CACNA1D: variants seen among roughly 807,000 people sequenced by gnomAD.
CACNA1D encodes the protein voltage-dependent L-type calcium channel subunit alpha-1D.
A neutral mutation model predicts 257.1 loss-of-function variants in CACNA1D; 55 were observed. That is an observed-to-expected ratio of 0.21 (90% CI 0.17 to 0.27). CACNA1D has a LOEUF of 0.27. CACNA1D is among the 10% of genes least tolerant of loss of function. The pLI is 1.00. For synonymous variants in CACNA1D, 980 were observed against 1,014.9 expected (o/e 0.97, Z 0.65); for missense variants, 1,876 against 2,784.0 (o/e 0.67, Z 7.34).
rs555665772 is a variant in CACNA1D, at chr3:53,571,013, G to A, written c.483+69293G>A. On this transcript the variant is annotated intron_variant, in intron 3 of 47. Coordinates refer to ENST00000350061, the MANE Select transcript of CACNA1D (RefSeq NM_001128840.3). The stretch of plus-strand genomic sequence containing the variant: ...GGGAACTAGGGCAAGTCTGCTGGCT[G>A]CCTCAGTCCTTCCCTGTGAATGCAG... Among the ~76,000 whole-genome samples, 47 of 152,306 alleles carry A rather than the reference G, an allele frequency of 3.1e-4. No individual in the cohort carries two copies. In the South Asian group the frequency reaches 9.5e-3, roughly 31 times the overall value.
At chr3:53,641,634 T>C (rs1463466509) in intron 3 of CACNA1D, among the ~76,000 whole-genome samples, 1 of 152,026 alleles carries the variant, frequency 6.6e-6, no homozygotes, top group Non-Finnish European at 1.5e-5. Context: ...CCAAGGGAGC[T>C]CAGAGTCCAT....
At chr3:53,754,709 C>T (rs1476390191) in intron 29 of CACNA1D, among the ~76,000 whole-genome samples, 3 of 152,182 alleles carry the variant, frequency 2.0e-5, no homozygotes, top group African/African-American at 4.8e-5. Flanking sequence ...TTTCCCAGTA[C>T]AGCCAAAAAC....
intron 3 of CACNA1D, among the ~76,000 whole-genome samples, chr3:53,577,311 C>T (rs746146452): frequency 6.6e-6 from 1 of 152,092 alleles, no homozygotes; most frequent in African/African-American, 2.4e-5. Flanking sequence ...AGGTGGTGCT[C>T]GATTCCAGGG....
chr3:53,755,647 G>C (rs2108904520), intron 29 of CACNA1D, among the ~76,000 whole-genome samples: 1 of 152,248 alleles, frequency 6.6e-6, no homozygotes, highest in South Asian at 2.1e-4. Flanking sequence ...ACAATTGGGA[G>C]AACTTTTAAG....
chr3:53,673,066 T>A lies in CACNA1D; in HGVS notation c.1160T>A (p.Val387Asp). 6.4e-7 allele frequency: 1 copy of A among 1,552,390 alleles called. No homozygotes were observed. The highest frequency in any genetic ancestry group is 8.7e-7 in the Non-Finnish European group (1 of 1,147,236). The change falls in exon 8 of 48, where the codon GTC becomes GAC. Residue 387 changes from valine (V) to aspartate (D), a missense_variant. Val to Asp is a radical substitution (Grantham distance 152, BLOSUM62 -3). This residue lies in a region of CACNA1D where 188 missense variants were observed against 390.4 expected (regional missense o/e 0.48). Coordinates refer to ENST00000350061, the MANE Select transcript of CACNA1D (RefSeq NM_001128840.3). This position sits in a 1 kb window ranked among gnomAD's most constrained non-coding sequence, Gnocchi z 4.1. ...MGFELPWVYF[V>D]SLVIFGSFFV... ...TTTGAATTGCCCTGGGTGTATTTTG[T>A]CAGTCTCGTCATCTTTGGGTCATTT...
Position 53,548,805 on chromosome 3 carries a change from G to A in CACNA1D, c.483+47085G>A, listed in dbSNP as rs1428011407. On this transcript the variant is annotated intron_variant, in intron 3 of 47. Transcript: ENST00000350061. Reference sequence around the variant, plus strand: ...GTTTGCATAAACGTTCCCATTTAACGTCCACACAGATCTGTGAGGTGAGCA... The same window carrying A: ...GTTTGCATAAACGTTCCCATTTAACATCCACACAGATCTGTGAGGTGAGCA... Among the ~76,000 whole-genome samples the A allele has an allele frequency of 4.6e-5, 7 of 152,236 alleles. No individual in the cohort carries two copies. The South Asian group carries it at 6.2e-4, about 14-fold the overall frequency.
At chr3:53,654,919 G>A (rs2094134012) in intron 4 of CACNA1D, among the ~76,000 whole-genome samples, 1 of 152,086 alleles carries the variant, frequency 6.6e-6, no homozygotes, top group Admixed American at 6.5e-5. Context: ...ACAAAGGACA[G>A]GACAAATAGA....
intron 3 of CACNA1D, among the ~76,000 whole-genome samples, chr3:53,648,582 A>T (rs2094048348): frequency 6.6e-6 from 1 of 151,688 alleles, no homozygotes; most frequent in Non-Finnish European, 1.5e-5. Flanking sequence ...CCTCTGGGGG[A>T]TATGGCAGGG....
chr3:53,739,220 C>T (rs1012121708), intron 20 of CACNA1D, among the ~76,000 whole-genome samples: 25 of 152,240 alleles, frequency 1.6e-4, no homozygotes, highest in African/African-American at 5.8e-4. Context: ...AGCTGCGTGG[C>T]CTATGCGTGT....
At chr3:53,760,706 T>C (rs1411145597) in intron 29 of CACNA1D, among the ~76,000 whole-genome samples, 3 of 152,220 alleles carry the variant, frequency 2.0e-5, no homozygotes, top group Non-Finnish European at 4.4e-5. Context: ...CACATACATA[T>C]AGATTTTAAG....
chr3:53,516,167 G>A (rs2091325428), intron 3 of CACNA1D, among the ~76,000 whole-genome samples: 1 of 152,192 alleles, frequency 6.6e-6, no homozygotes, highest in Non-Finnish European at 1.5e-5. Flanking sequence ...TTTACCAGAA[G>A]GCATTAGTTA....
intron 3 of CACNA1D, among the ~76,000 whole-genome samples, chr3:53,505,195 G>A (rs1188376328): frequency 7.5e-6 from 1 of 134,132 alleles, no homozygotes; most frequent in Non-Finnish European, 1.5e-5. Flanking sequence ...TGCAAGCTCC[G>A]CCTCTGGGGT....
intron 4 of CACNA1D, among the ~76,000 whole-genome samples, chr3:53,657,771 C>T (rs1010104068): frequency 6.6e-6 from 1 of 152,212 alleles, no homozygotes; most frequent in Non-Finnish European, 1.5e-5. Flanking sequence ...GTATCTCAAT[C>T]CACTGGATTT....
At chr3:53,728,975 C>G (rs971112987) in intron 15 of CACNA1D, among the ~76,000 whole-genome samples, 1 of 152,172 alleles carries the variant, frequency 6.6e-6, no homozygotes, top group Non-Finnish European at 1.5e-5. Context: ...GCTCATCACT[C>G]TGGATTTGCT....
In CACNA1D at chr3:53,683,587, A is replaced by C. The variant is rs145197265; in HGVS notation, c.1220+10461A>C. Among the ~76,000 whole-genome samples the C allele has an allele frequency of 4.7e-3, 717 of 152,360 alleles. 8 individuals are homozygous for C. The highest frequency in any genetic ancestry group is 0.017 in the African/African-American group (693 of 41,578). On this transcript the variant is annotated intron_variant, in intron 8 of 47. Transcript: ENST00000350061. ...AAATATTCACGATCAAGGAGGGAAA[A>C]GTCGATAGAAACAAAAGATGACAGA...
At chr3:53,519,478 C>T (rs1204698630) in intron 3 of CACNA1D, among the ~76,000 whole-genome samples, 2 of 152,200 alleles carry the variant, frequency 1.3e-5, no homozygotes, top group Non-Finnish European at 2.9e-5. Flanking sequence ...ATAATTGAAG[C>T]ATCTTTGACC....
chr3:53,549,307 T>G (rs886140283), intron 3 of CACNA1D, among the ~76,000 whole-genome samples: 4 of 152,234 alleles, frequency 2.6e-5, no homozygotes, highest in Non-Finnish European at 5.9e-5. Flanking sequence ...TCCATTTATG[T>G]TGCTTTTGTC....
intron 3 of CACNA1D, among the ~76,000 whole-genome samples, chr3:53,621,134 CAAGTGAGGGAAAAGAACCGACT>C (rs2093692524): frequency 6.6e-6 from 1 of 152,150 alleles, no homozygotes; most frequent in African/African-American, 2.4e-5. Context: ...CCTATGAATG[CAAGTGAGGGAAAAGAACCGACT>C]AAGCCAGAGC....
Position 53,553,169 on chromosome 3 carries a change from A to C in CACNA1D, c.483+51449A>C, listed in dbSNP as rs542154968. Among the ~76,000 whole-genome samples the C allele has an allele frequency of 1.4e-4, 22 of 152,368 alleles. 1 individual carries two copies. The South Asian group carries it at 4.4e-3, about 30-fold the overall frequency. ...GTTTTACTTATGTTTAACCAATTCT[A>C]GTTGACACACTTATTCAGAATGGCC... On this transcript the variant is annotated intron_variant, in intron 3 of 47. Coordinates refer to ENST00000350061, the MANE Select transcript of CACNA1D (RefSeq NM_001128840.3).
Sources: allele counts gnomAD v4.1 joint callset (sites outside exome capture counted in the v4.1 genomes callset), GRCh38; gene constraint gnomAD v4.1.1; regional missense constraint gnomAD v4.1.1; non-coding constraint Gnocchi (gnomAD v3.1); transcripts MANE v1.5; gene names NCBI Gene and HGNC (gene_info 2026-07-23, HGNC 2026-07-21).